CARS1: variants seen among roughly 807,000 people sequenced by gnomAD.
CARS1 encodes the protein cysteine--tRNA ligase, cytoplasmic.
In CARS1, 48 loss-of-function variants were observed where a neutral mutation model predicts 106.2. The observed-to-expected ratio is 0.45, with a 90% CI of 0.36 to 0.57. CARS1 has a LOEUF of 0.57. Among genes scored for constraint, CARS1 ranks in the 20% least tolerant of loss-of-function variants. The pLI is 0.00. For missense variants in CARS1, 968 were observed against 1,057.2 expected (o/e 0.92, Z 1.17); for synonymous variants, 409 against 403.4 (o/e 1.01, Z -0.17).
At chr11:3,001,304 C>T (rs959861048) in intron 22 of CARS1, 56 bp from the exon 23 acceptor site, 2 of 1,597,424 alleles carry the variant, frequency 1.3e-6, no homozygotes, top group East Asian at 2.2e-5. Flanking sequence ...GTAACCCCAA[C>T]TCCCCTTTCT....
intron 7 of CARS1, among the ~76,000 whole-genome samples, chr11:3,036,062 T>G (rs938569450): frequency 6.6e-6 from 1 of 152,218 alleles, no homozygotes; most frequent in African/African-American, 2.4e-5. Context: ...GCCTATGTGA[T>G]GGGCTTCCCT....
intron 18 of CARS1, among the ~76,000 whole-genome samples, chr11:3,009,837 A>G (rs1850277133): frequency 6.6e-6 from 1 of 152,138 alleles, no homozygotes; most frequent in Non-Finnish European, 1.5e-5. Context: ...CTTGTTATAC[A>G]CTCACTTTCT....
rs1855385587 is a variant in CARS1 at position 3,048,918 on chromosome 11, G to A, written c.26-917C>T. On this transcript the variant is annotated intron_variant, in intron 1 of 22. Transcript: ENST00000380525. This position sits in a 1 kb window ranked among gnomAD's most constrained non-coding sequence, Gnocchi z 5.1. Reference sequence around the variant, plus strand: ...CCACCACTCAGGTGTGTCACTCAAGGACCCAAGAGCCACTGTTCCGCATGT... The same window carrying A: ...CCACCACTCAGGTGTGTCACTCAAGAACCCAAGAGCCACTGTTCCGCATGT... Among the ~76,000 whole-genome samples the A allele has an allele frequency of 6.6e-6, 1 of 152,100 alleles. No homozygotes were observed. Among genetic ancestry groups the A allele is most frequent in the Admixed American group, 6.5e-5 (1 of 15,272 alleles).
At position 3,046,175 on chromosome 11, in the gene CARS1, TAA is replaced by T. The variant is rs998306512; in HGVS notation, c.274+1576_274+1577del. 6.6e-6 allele frequency among the ~76,000 whole-genome samples: 1 copy of T among 152,160 alleles called. No individual in the cohort carries two copies. Among genetic ancestry groups the T allele is most frequent in the African/African-American group, 2.4e-5 (1 of 41,440 alleles). On this transcript the variant is annotated intron_variant, in intron 2 of 22. Coordinates refer to ENST00000380525, the MANE Select transcript of CARS1 (RefSeq NM_001014437.3). This position sits in a 1 kb window ranked among gnomAD's most constrained non-coding sequence, Gnocchi z 5.8. ...GTGGCTCTGCTTCCTCTCTGTAGGT[TAA>T]AAAGTGTTTGCAAGAGCAAAACCCT...
In CARS1 at chr11:3,049,018, C is replaced by T. The variant is rs573126626; in HGVS notation, c.26-1017G>A. On this transcript the variant is annotated intron_variant, in intron 1 of 22. Transcript: ENST00000380525. ...AGACAAGGCCGCCTTGACACATGCA[C>T]GCTGACCAGCTCCATGGCTTTTTTC... Among the ~76,000 whole-genome samples the T allele has an allele frequency of 2.6e-5, 4 of 152,382 alleles. No individual in the cohort carries two copies. The South Asian group carries it at 6.2e-4, about 24-fold the overall frequency.
rs909505887 is a variant in CARS1 at position 3,052,048 on chromosome 11, C to T, written c.26-4047G>A. ...GGGGGTGACAGGTGATTTTAATTCC[C>T]TCTTTTTCTTCATTGCTCACATTTT... On this transcript the variant is annotated intron_variant, in intron 1 of 22. Transcript: ENST00000380525. The surrounding 1 kb of genome is among the most constrained non-coding windows in gnomAD (Gnocchi z 4.6). Among the ~76,000 whole-genome samples, 4 of 152,252 alleles carry T rather than the reference C, an allele frequency of 2.6e-5. No homozygotes were observed. The highest frequency in any genetic ancestry group is 2.0e-4 in the Admixed American group (3 of 15,282).
At chr11:3,014,997 C>T (rs1292805273) in intron 17 of CARS1, among the ~76,000 whole-genome samples, 3 of 152,216 alleles carry the variant, frequency 2.0e-5, no homozygotes, top group Admixed American at 6.5e-5. Context: ...ATCGAATAGT[C>T]AAAGAGCATT....
chr11:3,033,970 T>TA (rs1414499391), intron 7 of CARS1, among the ~76,000 whole-genome samples: 1 of 152,148 alleles, frequency 6.6e-6, no homozygotes, highest in Non-Finnish European at 1.5e-5. Context: ...TTTGTAGAGA[T>TA]AGAGTCTCAC....
Position 3,006,942 on chromosome 11 carries a change from G to C in CARS1, c.2086C>G (p.Leu696Val). ...ATGTTGTCCCGCAGGGCATCGCTGA[G>C]CTGCAGAATCTCAGGGACTGTAGGA... ...REQKVPEILQ[L>V]SDALRDNILP... is the part of the protein sequence containing the mutation. Residue 696 changes from leucine (L) to valine (V), a missense_variant, in exon 19 of 23, where the codon CTC becomes GTC. Coordinates refer to ENST00000380525, the MANE Select transcript of CARS1 (RefSeq NM_001014437.3). 6.2e-7 allele frequency: 1 copy of C among 1,614,044 alleles called. No individual in the cohort carries two copies. Among genetic ancestry groups the C allele is most frequent in the East Asian group, 2.2e-5 (1 of 44,890 alleles).
Position 3,020,230 on chromosome 11 carries a change from G to C in CARS1, c.1256C>G (p.Pro419Arg), listed in dbSNP as rs148334277. 3.9e-5 allele frequency: 63 copies of C among 1,604,610 alleles called. No individual in the cohort carries two copies. The highest frequency in any genetic ancestry group is 1.0e-4 in the Admixed American group (6 of 60,002). ...SKPGEPSWPC[P>R]WGKGRPGWHI... ...AGGCCACTCGCTCACCTTTCCCCAA[G>C]GGCACGGCCAGGACGGTTCTCCGGG... The change falls in exon 11 of 23, where the codon CCT becomes CGT. Residue 419 changes from proline (P) to arginine (R), a missense_variant. Coordinates refer to ENST00000380525, the MANE Select transcript of CARS1 (RefSeq NM_001014437.3). This position sits in a 1 kb window ranked among gnomAD's most constrained non-coding sequence, Gnocchi z 4.6.
rs1016046570 is a variant in CARS1 at position 3,044,483 on chromosome 11, G to A, written c.275-2227C>T. On this transcript the variant is annotated intron_variant, in intron 2 of 22. Coordinates refer to ENST00000380525, the MANE Select transcript of CARS1 (RefSeq NM_001014437.3). This position sits in a 1 kb window ranked among gnomAD's most constrained non-coding sequence, Gnocchi z 4.4. ...GCAATCTCAACTCACTGCAACCTCC[G>A]CCTCCTGAGTTCAAGCGATTATCCT... Among the ~76,000 whole-genome samples the A allele has an allele frequency of 4.0e-5, 6 of 150,832 alleles. No homozygotes were observed. Among genetic ancestry groups the A allele is most frequent in the African/African-American group, 9.8e-5 (4 of 40,868 alleles).
At chr11:3,057,150 TCCCTCAGACCCCGCGCACTGACAC>T (rs1371812109) in intron 1 of CARS1, among the ~76,000 whole-genome samples, 169 bp downstream of exon 1, 1 of 146,790 alleles carries the variant, frequency 6.8e-6, no homozygotes, top group Non-Finnish European at 1.5e-5. Context: ...GGACGTGCCG[TCCCTCAGACCCCGCGCACTGACAC>T]CCCTCAGACC....
intron 3 of CARS1, 152 bp downstream of exon 3, chr11:3,042,013 G>A (rs903070981): frequency 2.1e-5 from 12 of 578,210 alleles, no homozygotes; most frequent in Non-Finnish European, 3.7e-5. Context: ...CTATAACATG[G>A]AAGTGACTGA....
Position 3,047,871 on chromosome 11 carries a change from C to T in CARS1, c.156G>A (p.Arg52=), listed in dbSNP as rs761950534. 19 of 1,613,998 alleles carry T rather than the reference C, an allele frequency of 1.2e-5. No homozygotes were observed. In the South Asian group the frequency reaches 1.9e-4, roughly 16 times the overall value. Residue 52 remains arginine (R), a synonymous_variant, in exon 2 of 23, where the codon AGG becomes AGA. Transcript: ENST00000380525. ...SLSQADVDAF[R]QLSAPPADPQ... is the part of the protein sequence containing the mutation. The stretch of plus-strand genomic sequence containing the variant: ...GGTCAGCGGGCGGGGCCGAGAGCTG[C>T]CTGAACGCGTCCACGTCTGCCTGGG...
In CARS1 at chr11:3,001,155, T is replaced by C; in HGVS notation, c.2455A>G (p.Lys819Glu). The change falls in exon 23 of 23, where the codon AAG becomes GAG. Residue 819 changes from lysine (K) to glutamate (E), a missense_variant. Physicochemically the swap from Lys to Glu is moderately conservative, Grantham distance 56. Transcript: ENST00000380525. Reference protein sequence around the residue: ...KLFEAQEKLYKEYLQMAQNGS... With the variant: ...KLFEAQEKLYEEYLQMAQNGS... ...TTCTGGGCCATCTGCAGATATTCCT[T>C]GTAGAGCTTCTCCTGAGCCTCGAAG... 6.2e-7 allele frequency: 1 copy of C among 1,614,098 alleles called. No homozygotes were observed. The highest frequency in any genetic ancestry group is 8.5e-7 in the Non-Finnish European group (1 of 1,180,016).
At chr11:3,055,889 G>A (rs142011337) in intron 1 of CARS1, among the ~76,000 whole-genome samples, 1 of 152,180 alleles carries the variant, frequency 6.6e-6, no homozygotes, top group Admixed American at 6.5e-5. Flanking sequence ...GAGCCATTAC[G>A]CATGGTTTGC....
Position 3,002,551 on chromosome 11 carries a change from T to C in CARS1, c.2267A>G (p.Gln756Arg), listed in dbSNP as rs779269130. 6.2e-7 allele frequency: 1 copy of C among 1,614,218 alleles called. No individual in the cohort carries two copies. The highest frequency in any genetic ancestry group is 1.1e-5 in the South Asian group (1 of 91,088). Residue 756 changes from glutamine (Q) to arginine (R), a missense_variant, in exon 21 of 23, where the codon CAG becomes CGG. By Grantham distance (43) the Gln-to-Arg change is conservative. Coordinates refer to ENST00000380525, the MANE Select transcript of CARS1 (RefSeq NM_001014437.3). ...KKKEEAARRK[Q>R]EQEAAKLAKM... Reference sequence around the variant, plus strand: ...AACAAAATGCATTACTTCTTGTTCCTGTTTCCTCCGGGCCGCCTCCTCTTT... The same window carrying C: ...AACAAAATGCATTACTTCTTGTTCCCGTTTCCTCCGGGCCGCCTCCTCTTT...
chr11:3,017,519 T>C lies in CARS1; in HGVS notation c.1728-224A>G. On this transcript the variant is annotated intron_variant, in intron 15 of 22. Transcript: ENST00000380525. This position sits in a 1 kb window ranked among gnomAD's most constrained non-coding sequence, Gnocchi z 4.9. ...TTAGCCAGGTATGGTGGCGCATGCCTGTAACCCCAGCTACTCGGGAGGCTG... is the reference window on the plus strand; with the variant it reads ...TTAGCCAGGTATGGTGGCGCATGCCCGTAACCCCAGCTACTCGGGAGGCTG... 2 of 572,372 alleles carry C rather than the reference T, an allele frequency of 3.5e-6. No individual in the cohort carries two copies. The highest frequency in any genetic ancestry group is 6.2e-6 in the Non-Finnish European group (2 of 322,442). 35.5% of individuals were successfully genotyped at this position (572,372 alleles called of 1,614,324 possible). A position where few individuals can be genotyped will look rare whatever the true frequency, so the allele number is the denominator to read the frequency against.
In CARS1 at chr11:3,020,192, C is replaced by A; in HGVS notation, c.1266+28G>T. On this transcript the variant is annotated intron_variant, in intron 11 of 22. Transcript: ENST00000380525. This position sits in a 1 kb window ranked among gnomAD's most constrained non-coding sequence, Gnocchi z 4.6. ...GCTGGCGCCAGTGCCCCTGTCCAAG[C>A]CCCACACCTTCTAGGCCACTCGCTC... The A allele has an allele frequency of 7.3e-7, 1 of 1,364,988 alleles. No individual in the cohort carries two copies. The highest frequency in any genetic ancestry group is 1.0e-6 in the Non-Finnish European group (1 of 952,656). 84.6% of individuals were successfully genotyped at this position (1,364,988 alleles called of 1,614,324 possible).
Sources: allele counts gnomAD v4.1 joint callset (sites outside exome capture counted in the v4.1 genomes callset), GRCh38; gene constraint gnomAD v4.1.1; non-coding constraint Gnocchi (gnomAD v3.1); transcripts MANE v1.5; gene names NCBI Gene and HGNC (gene_info 2026-07-23, HGNC 2026-07-21).